KCNMB2: variants seen among roughly 807,000 people sequenced by gnomAD.
The protein encoded by KCNMB2 is potassium calcium-activated channel subfamily M regulatory beta subunit 2.
A neutral mutation model predicts 24.5 loss-of-function variants in KCNMB2; 9 were observed. The observed-to-expected ratio is 0.37, with a 90% CI of 0.22 to 0.64. The LOEUF is 0.64. Among genes scored for constraint, KCNMB2 ranks in the 30% least tolerant of loss-of-function variants. KCNMB2 has a pLI of 0.63. For missense variants in KCNMB2, 226 were observed against 284.3 expected, an observed-to-expected ratio of 0.79 and a Z score of 1.47; for synonymous variants, 109 against 104.4, an observed-to-expected ratio of 1.04 and a Z score of -0.27.
At chr3:178,793,283 T>C (rs978936733) in intron 1 of KCNMB2, among the ~76,000 whole-genome samples, 2 of 152,152 alleles carry the variant, frequency 1.3e-5, no homozygotes, top group East Asian at 1.9e-4. Flanking sequence ...CAGTTGATGA[T>C]GAAGCAATGA....
chr3:178,635,410 C>A (rs1577063826), intron 1 of KCNMB2, among the ~76,000 whole-genome samples: 1 of 74,378 alleles, frequency 1.3e-5, no homozygotes, highest in Admixed American at 1.3e-4. Context: ...CTTATGCATA[C>A]ACACACACAC....
At chr3:178,685,574 A>G (rs1305289133) in intron 1 of KCNMB2, among the ~76,000 whole-genome samples, 1 of 152,240 alleles carries the variant, frequency 6.6e-6, no homozygotes, top group Admixed American at 6.5e-5. Context: ...TTTTATATTT[A>G]GGAATTGATA....
intron 1 of KCNMB2, among the ~76,000 whole-genome samples, chr3:178,586,186 T>C (rs1489167462): frequency 6.6e-6 from 1 of 152,190 alleles, no homozygotes; most frequent in Non-Finnish European, 1.5e-5. Flanking sequence ...AAGTTTAGGA[T>C]GGAGGATTTG....
intron 1 of KCNMB2, among the ~76,000 whole-genome samples, chr3:178,568,802 G>A (rs9882218): frequency 0.057 from 3,077 of 53,812 alleles, 52 homozygotes; most frequent in African/African-American, 0.13. Flanking sequence ...TAGATAGATA[G>A]ATAGATAGAT....
At chr3:178,787,487 T>G (rs1414289317) in intron 1 of KCNMB2, among the ~76,000 whole-genome samples, 1 of 152,204 alleles carries the variant, frequency 6.6e-6, no homozygotes, top group African/African-American at 2.4e-5. Context: ...ACTGTTATTA[T>G]CACGCTAATT....
chr3:178,745,380 A>T (rs112844942), intron 1 of KCNMB2, among the ~76,000 whole-genome samples: 1 of 152,140 alleles, frequency 6.6e-6, no homozygotes, highest in Non-Finnish European at 1.5e-5. Flanking sequence ...TATTTACTAT[A>T]ATTGAGAACA....
intron 1 of KCNMB2, among the ~76,000 whole-genome samples, chr3:178,749,527 A>G (rs1488073404): frequency 6.6e-6 from 1 of 152,212 alleles, no homozygotes; most frequent in Non-Finnish European, 1.5e-5. Context: ...CCTATATCAT[A>G]GTTGAGAGAG....
chr3:178,760,626 A>C (rs1711818277), intron 1 of KCNMB2, among the ~76,000 whole-genome samples: 1 of 150,412 alleles, frequency 6.6e-6, no homozygotes. Flanking sequence ...ATCTTAGCTA[A>C]ATTTTCTTTT....
chr3:178,724,485 T>A (rs923128432), intron 1 of KCNMB2, among the ~76,000 whole-genome samples: 17 of 152,150 alleles, frequency 1.1e-4, no homozygotes, highest in African/African-American at 4.1e-4. Flanking sequence ...TTTCTTTTGT[T>A]GTACAGAAGC....
At chr3:178,699,195 C>A (rs903497852) in intron 1 of KCNMB2, among the ~76,000 whole-genome samples, 1 of 152,218 alleles carries the variant, frequency 6.6e-6, no homozygotes, top group African/African-American at 2.4e-5. Flanking sequence ...CTTCTCCATG[C>A]CCTGCAAGCA....
chr3:178,553,194 T>C (rs1716013894), intron 1 of KCNMB2, among the ~76,000 whole-genome samples: 1 of 152,208 alleles, frequency 6.6e-6, no homozygotes, highest in Admixed American at 6.5e-5. Context: ...TCAGTTAAGA[T>C]TTATGACAGA....
At chr3:178,586,538 C>CGTTTTTTTTTTTTTTTTTT (rs1313147122) in intron 1 of KCNMB2, among the ~76,000 whole-genome samples, 1 of 68,502 alleles carries the variant, frequency 1.5e-5, no homozygotes, top group African/African-American at 5.7e-5. Context: ...TTTTTTCTTT[C>CGTTTTTTTTTTTTTTTTTT]TTTTTTTTTT....
intron 1 of KCNMB2, among the ~76,000 whole-genome samples, chr3:178,600,201 A>G (rs1718029121): frequency 6.6e-6 from 1 of 152,154 alleles, no homozygotes; most frequent in African/African-American, 2.4e-5. Context: ...TTTATTTAGC[A>G]TAATGTCCTC....
At chr3:178,683,854 G>T (rs185067591) in intron 1 of KCNMB2, among the ~76,000 whole-genome samples, 4 of 152,300 alleles carry the variant, frequency 2.6e-5, no homozygotes. Flanking sequence ...GTATCTTGTT[G>T]GTAGGAATGT....
chr3:178,598,441 T>C (rs1717957018), intron 1 of KCNMB2, among the ~76,000 whole-genome samples: 1 of 151,962 alleles, frequency 6.6e-6, no homozygotes, highest in African/African-American at 2.4e-5. Context: ...CACTCATTCA[T>C]TTATGTACTC....
chr3:178,628,279 G>A (rs1432585862), intron 1 of KCNMB2, among the ~76,000 whole-genome samples: 1 of 152,090 alleles, frequency 6.6e-6, no homozygotes, highest in Non-Finnish European at 1.5e-5. Flanking sequence ...AGAGCACTTG[G>A]TTTTCCTCTG....
chr3:178,644,955 G>T (rs1368823037), intron 1 of KCNMB2, among the ~76,000 whole-genome samples: 3 of 151,920 alleles, frequency 2.0e-5, no homozygotes, highest in East Asian at 3.9e-4. Flanking sequence ...GCCTTTCAAG[G>T]TCCTTAGCAC....
intron 1 of KCNMB2, among the ~76,000 whole-genome samples, chr3:178,546,297 A>G (rs941295306): frequency 6.6e-6 from 1 of 152,222 alleles, no homozygotes; most frequent in South Asian, 2.1e-4. Flanking sequence ...CTGAACTGAA[A>G]GTGAAAAAAA....
chr3:178,662,871 C>T (rs991863287), intron 1 of KCNMB2, among the ~76,000 whole-genome samples: 4 of 152,094 alleles, frequency 2.6e-5, no homozygotes, highest in Non-Finnish European at 5.9e-5. Flanking sequence ...CGTGATAAAA[C>T]AGGCCTAAGA....
Sources: allele counts gnomAD v4.1 joint callset (sites outside exome capture counted in the v4.1 genomes callset), GRCh38; gene constraint gnomAD v4.1.1; transcripts MANE v1.5; gene names NCBI Gene and HGNC (gene_info 2026-07-23, HGNC 2026-07-21).